Variants in SLC25A48 observed in about 807,000 individuals in gnomAD.
The protein encoded by SLC25A48 is CTC-321K16.1.
In SLC25A48, 29 loss-of-function variants were observed where a neutral mutation model predicts 32.2. That is an observed-to-expected ratio of 0.90 (90% CI 0.67 to 1.23). The LOEUF (loss-of-function observed/expected upper bound fraction) is 1.23. SLC25A48 is among the 50% of genes most tolerant of loss of function. The pLI is 0.00. For synonymous variants in SLC25A48, 164 were observed against 172.3 expected, an observed-to-expected ratio of 0.95 and a Z score of 0.38; for missense variants, 399 against 422.7, an observed-to-expected ratio of 0.94 and a Z score of 0.49.
At position 135,782,892 on chromosome 5, in the gene SLC25A48, G is replaced by T. The variant is rs774730435; in HGVS notation, c.-520-29631G>T. Among the ~76,000 whole-genome samples, 2 of 115,290 alleles carry T rather than the reference G, an allele frequency of 1.7e-5. 1 individual carries two copies. Among genetic ancestry groups the T allele is most frequent in the East Asian group, 4.4e-4 (2 of 4,574 alleles). The allele number at this position is 115,290 out of a possible 152,430, so 75.6% of individuals were successfully genotyped here. On this transcript the variant is annotated intron_variant, in intron 3 of 10. Coordinates refer to the SLC25A48 transcript ENST00000646290. ...AGCTGTACAACCCCCTGTGACATTG[G>T]TTCAAAATCCAGGGGGTGAGAAGAT... is the stretch of plus-strand genomic sequence containing the variant.
chr5:135,785,171 G>T (rs926686926), intron 3 of SLC25A48, among the ~76,000 whole-genome samples: 1 of 152,162 alleles, frequency 6.6e-6, no homozygotes, highest in African/African-American at 2.4e-5. Flanking sequence ...ATGTAGGAAG[G>T]GAGATAATAT....
At chr5:135,650,400 G>C (rs1163255721) in intron 3 of SLC25A48, 1 of 456,072 alleles carries the variant, frequency 2.2e-6, no homozygotes, top group Non-Finnish European at 4.4e-6. Flanking sequence ...CATTGATTGA[G>C]GATGATGCTT....
chr5:135,760,614 G>A (rs1473909247), intron 3 of SLC25A48, among the ~76,000 whole-genome samples: 1 of 152,220 alleles, frequency 6.6e-6, no homozygotes, highest in East Asian at 1.9e-4. Flanking sequence ...CTGCTGGAGT[G>A]ATCTGGGAAG....
At chr5:135,775,479 G>A in intron 3 of SLC25A48, among the ~76,000 whole-genome samples, 1 of 151,490 alleles carries the variant, frequency 6.6e-6, no homozygotes. Flanking sequence ...ACCCCCCTGT[G>A]CTATTGTTTT....
chr5:135,829,866 C>T (rs1001095267), upstream of SLC25A48, among the ~76,000 whole-genome samples: 1 of 152,022 alleles, frequency 6.6e-6, no homozygotes, highest in African/African-American at 2.4e-5. Context: ...CTCTCTGGAC[C>T]TCATTCTTCT....
At position 135,888,220 on chromosome 5, in the gene SLC25A48, C is replaced by T. The variant is rs1762803453; in HGVS notation, c.*196C>T. The T allele has an allele frequency of 4.1e-6, 3 of 735,280 alleles. No homozygotes were observed. The highest frequency in any genetic ancestry group is 2.5e-5 in the Admixed American group (1 of 39,612). 45.5% of individuals were successfully genotyped at this position (735,280 alleles called of 1,614,324 possible). A position where few individuals can be genotyped will look rare whatever the true frequency, so the allele number is the denominator to read the frequency against. ...GCCTCATGAGTCACTGATTCAAGCC[C>T]TCCAAGGTTCTGATCCCCAATGCCC... On this transcript the variant is annotated 3_prime_UTR_variant, in exon 8 of 8. Transcript: ENST00000681962.
At chr5:135,879,910 G>A in intron 6 of SLC25A48, 58 bp from the exon 7 acceptor site, 1 of 1,521,046 alleles carries the variant, frequency 6.6e-7, no homozygotes, top group East Asian at 2.5e-5. Context: ...GCCCCTCCTT[G>A]GTGGCCCTGC....
rs1423283627 is a variant in SLC25A48, at chr5:135,784,762, G to T, written c.-520-27761G>T. Among the ~76,000 whole-genome samples, 3 of 117,914 alleles carry T rather than the reference G, an allele frequency of 2.5e-5. 1 individual carries two copies. The Admixed American group carries it at 2.6e-4, about 10-fold the overall frequency. 77.4% of individuals were successfully genotyped at this position (117,914 alleles called of 152,430 possible). On this transcript the variant is annotated intron_variant, in intron 3 of 10. Coordinates refer to the SLC25A48 transcript ENST00000646290. The stretch of plus-strand genomic sequence containing the variant: ...CCTAATACCCAGTGGAAGACCCAGT[G>T]TACACCCCCTCTGTGATATTGTTAT...
intron 3 of SLC25A48, among the ~76,000 whole-genome samples, chr5:135,811,886 A>C (rs1757596510): frequency 6.6e-6 from 1 of 152,184 alleles, no homozygotes. Context: ...GTTTGAGACC[A>C]GCCTGGCCAA....
intron 4 of SLC25A48, among the ~76,000 whole-genome samples, chr5:135,859,730 C>T (rs906567605): frequency 1.2e-4 from 18 of 152,106 alleles, no homozygotes; most frequent in African/African-American, 4.3e-4. Flanking sequence ...CACATTGTTG[C>T]TTCTGGGTGA....
At chr5:135,795,247 A>C (rs895636518) in intron 3 of SLC25A48, among the ~76,000 whole-genome samples, 2 of 151,816 alleles carry the variant, frequency 1.3e-5, no homozygotes, top group Admixed American at 6.6e-5. Flanking sequence ...CCAATATCGC[A>C]GAAGGTGTAC....
At position 135,758,650 on chromosome 5, in the gene SLC25A48, G is replaced by A. The variant is rs115661603; in HGVS notation, c.-520-53873G>A. 4.7e-3 allele frequency among the ~76,000 whole-genome samples: 705 copies of A among 150,608 alleles called. 1 individual carries two copies. The highest frequency in any genetic ancestry group is 0.016 in the African/African-American group (667 of 41,440). On this transcript the variant is annotated intron_variant, in intron 3 of 10. Coordinates refer to the SLC25A48 transcript ENST00000646290. The stretch of plus-strand genomic sequence containing the variant: ...TCATCTATGCTATGAATAATATGTA[G>A]TGTTAACACACTATGATATTAATAG...
intron 3 of SLC25A48, among the ~76,000 whole-genome samples, chr5:135,790,703 TGG>T (rs1021610014): frequency 2.6e-4 from 40 of 151,976 alleles, no homozygotes; most frequent in African/African-American, 9.4e-4. Flanking sequence ...AATGTCACAG[TGG>T]GTGTACACTA....
intron 2 of SLC25A48, among the ~76,000 whole-genome samples, chr5:135,845,823 G>T (rs1759361274): frequency 6.6e-6 from 1 of 152,186 alleles, no homozygotes; most frequent in South Asian, 2.1e-4. Flanking sequence ...CGGCTACAAG[G>T]GCCTGTGCTG....
chr5:135,727,632 A>G (rs962333514), intron 3 of SLC25A48, among the ~76,000 whole-genome samples: 1 of 152,114 alleles, frequency 6.6e-6, no homozygotes, highest in Non-Finnish European at 1.5e-5. Context: ...TATATTGTCA[A>G]TTGTTCCAAC....
chr5:135,617,897 T>C (rs1580727210), intron 1 of SLC25A48, among the ~76,000 whole-genome samples: 1 of 152,164 alleles, frequency 6.6e-6, no homozygotes, highest in East Asian at 1.9e-4. Context: ...TTCTGTGTGC[T>C]GATGAGGAGA....
chr5:135,644,512 A>G (rs1752913928), intron 3 of SLC25A48, among the ~76,000 whole-genome samples: 1 of 152,100 alleles, frequency 6.6e-6, no homozygotes, highest in Non-Finnish European at 1.5e-5. Flanking sequence ...AATAGCCAGC[A>G]TTTGTTCTAA....
At chr5:135,808,792 C>T (rs1454218788) in intron 3 of SLC25A48, among the ~76,000 whole-genome samples, 1 of 152,144 alleles carries the variant, frequency 6.6e-6, no homozygotes, top group Non-Finnish European at 1.5e-5. Context: ...TGCCTTGGTC[C>T]TCTCATACCC....
chr5:135,780,944 G>T (rs1756704210), intron 3 of SLC25A48, among the ~76,000 whole-genome samples: 1 of 115,906 alleles, frequency 8.6e-6, no homozygotes, highest in African/African-American at 2.6e-5. Flanking sequence ...TAATATTCAG[G>T]GTAAGAGCGG....
Sources: gnomAD v4.1 joint callset for allele counts (sites outside exome capture counted in the v4.1 genomes callset) on GRCh38, gnomAD v4.1.1 for gene constraint, MANE v1.5 for transcripts, NCBI Gene and HGNC (gene_info 2026-07-23, HGNC 2026-07-21) for gene names.